The following DYM variants were observed in gnomAD, a reference collection of about 807,000 sequenced individuals.
The protein encoded by DYM is dyggve-Melchior-Clausen syndrome protein.
A neutral mutation model predicts 93.1 loss-of-function variants in DYM; 78 were observed. The observed-to-expected ratio is 0.84, with a 90% CI of 0.70 to 1.01. The LOEUF (loss-of-function observed/expected upper bound fraction) is 1.01, where lower values mean the gene tolerates loss of function less well. Among genes scored for constraint, DYM ranks in the 50% least tolerant of loss-of-function variants. The probability of loss-of-function intolerance (pLI) is 0.00; values close to 1 mark genes in which losing one functional copy is unlikely to be tolerated. For missense variants in DYM, 789 were observed against 845.0 expected, an observed-to-expected ratio of 0.93 and a Z score of 0.82; for synonymous variants, 321 against 319.7, an observed-to-expected ratio of 1.00 and a Z score of -0.04.
chr18:49,280,888 A>G (rs1333727446), intron 10 of DYM, among the ~76,000 whole-genome samples: 1 of 152,248 alleles, frequency 6.6e-6, no homozygotes, highest in Non-Finnish European at 1.5e-5. Flanking sequence ...GGACATAGGC[A>G]TAGGCAAGGA....
chr18:49,256,861 C>T, intron 13 of DYM, 149 bp downstream of exon 13: 1 of 650,470 alleles, frequency 1.5e-6, no homozygotes, highest in Non-Finnish European at 2.7e-6. Context: ...ATGGAACGAG[C>T]TATTTTCAAC....
At chr18:49,163,653 A>AT (rs1409206278) in intron 15 of DYM, 32 bp downstream of exon 15, 5 of 1,530,184 alleles carry the variant, frequency 3.3e-6, no homozygotes, top group Non-Finnish European at 4.5e-6. Context: ...TGAAAGGAAA[A>AT]TTTTTTATTG....
At chr18:49,148,296 A>C (rs531943321) in intron 15 of DYM, among the ~76,000 whole-genome samples, 17 of 152,260 alleles carry the variant, frequency 1.1e-4, no homozygotes, top group Middle Eastern at 6.8e-3. Context: ...TACATATGTA[A>C]CAAACCTGCA....
Position 49,398,372 on chromosome 18 carries a change from G to A in DYM, c.141-6727C>T, listed in dbSNP as rs6507905. On this transcript the variant is annotated intron_variant, in intron 2 of 17. Transcript: ENST00000675505. ...AGACAGATATGTGCAGCATGTCTCCGCTCCTGGCCACAGCTGACTAGTCCA... is the reference window on the plus strand; with the variant it reads ...AGACAGATATGTGCAGCATGTCTCCACTCCTGGCCACAGCTGACTAGTCCA... Among the ~76,000 whole-genome samples, 810 of 152,156 alleles carry A rather than the reference G, an allele frequency of 5.3e-3. 12 individuals carry two copies. The highest frequency in any genetic ancestry group is 0.019 in the African/African-American group (788 of 41,508).
chr18:49,206,059 C>G, intron 14 of DYM: 1 of 185,936 alleles, frequency 5.4e-6, no homozygotes, highest in Non-Finnish European at 1.0e-5. Flanking sequence ...AGTGCAGTGG[C>G]ACAATCTCGG....
intron 1 of DYM, among the ~76,000 whole-genome samples, chr18:49,434,570 G>C (rs375389802): frequency 2.6e-5 from 4 of 152,192 alleles, no homozygotes; most frequent in African/African-American, 9.6e-5. Flanking sequence ...CTGTGGAAAA[G>C]GACTCTGGAG....
chr18:49,338,615 G>A (rs1050116525), intron 6 of DYM, among the ~76,000 whole-genome samples: 5 of 151,978 alleles, frequency 3.3e-5, no homozygotes, highest in Non-Finnish European at 7.4e-5. Flanking sequence ...GTGTATATAT[G>A]GAAATAATAT....
intron 1 of DYM, among the ~76,000 whole-genome samples, chr18:49,441,032 TA>T (rs2081413756): frequency 1.3e-4 from 1 of 7,984 alleles, no homozygotes; most frequent in African/African-American, 3.1e-4. Flanking sequence ...TATTTATATA[TA>T]ATATATAAAT....
rs539793726 is a variant in DYM, at chr18:49,399,340, C to G, written c.141-7695G>C. ...AGTGCATGCAGAGGCATCGCAGTCA[C>G]AGAGAGCCTGGCATGCCCTGGGAAG... On this transcript the variant is annotated intron_variant, in intron 2 of 17. Transcript: ENST00000675505. Among the ~76,000 whole-genome samples the G allele has an allele frequency of 7.2e-5, 11 of 152,276 alleles. No homozygotes were observed. The South Asian group carries it at 2.1e-3, about 29-fold the overall frequency.
At chr18:49,120,006 G>C (rs1485838888) in intron 15 of DYM, among the ~76,000 whole-genome samples, 1 of 148,714 alleles carries the variant, frequency 6.7e-6, no homozygotes, top group Admixed American at 6.7e-5. Flanking sequence ...TTAAGCCTGA[G>C]AGGTGGAGGT....
chr18:49,075,513 A>T (rs774502056), intron 17 of DYM, among the ~76,000 whole-genome samples: 6 of 152,204 alleles, frequency 3.9e-5, no homozygotes, highest in Non-Finnish European at 7.3e-5. Context: ...AAATGTAGGG[A>T]AAGAAGGATT....
chr18:49,131,693 C>T (rs2083391605), intron 15 of DYM, among the ~76,000 whole-genome samples: 2 of 152,186 alleles, frequency 1.3e-5, no homozygotes, highest in Non-Finnish European at 2.9e-5. Flanking sequence ...TTAACCATCA[C>T]TAAAGTGAGA....
chr18:49,175,407 T>A (rs111796945), intron 14 of DYM, among the ~76,000 whole-genome samples: 2 of 152,194 alleles, frequency 1.3e-5, no homozygotes, highest in Non-Finnish European at 2.9e-5. Context: ...AAGGAAAGAC[T>A]AATTACGTAA....
At chr18:49,259,476 G>A (rs946372548) in intron 11 of DYM, among the ~76,000 whole-genome samples, 1 of 152,072 alleles carries the variant, frequency 6.6e-6, no homozygotes, top group African/African-American at 2.4e-5. Flanking sequence ...ACAAATAAGG[G>A]GTAAAATAAG....
chr18:49,047,640 C>G (rs1363133218), intron 17 of DYM, among the ~76,000 whole-genome samples: 1 of 152,182 alleles, frequency 6.6e-6, no homozygotes, highest in Non-Finnish European at 1.5e-5. Flanking sequence ...TGGGTGTTCC[C>G]TAACTGCTGG....
intron 17 of DYM, among the ~76,000 whole-genome samples, chr18:49,092,139 A>C (rs2079103522): frequency 6.6e-6 from 1 of 152,216 alleles, no homozygotes; most frequent in African/African-American, 2.4e-5. Context: ...TGTGGGTGGC[A>C]GTCTAAAGAG....
intron 16 of DYM, among the ~76,000 whole-genome samples, chr18:49,098,913 A>G (rs2079839131): frequency 6.6e-6 from 1 of 152,242 alleles, no homozygotes; most frequent in African/African-American, 2.4e-5. Flanking sequence ...AACAATGAAT[A>G]CACAAAATAA....
intron 5 of DYM, among the ~76,000 whole-genome samples, chr18:49,366,256 T>A (rs1045178707): frequency 6.6e-6 from 1 of 152,226 alleles, no homozygotes; most frequent in Non-Finnish European, 1.5e-5. Flanking sequence ...AGCTTTCTTA[T>A]AAGGCCAAAT....
chr18:49,183,707 C>T lies in DYM; in HGVS notation c.1626-19920G>A, dbSNP rs1257766039. 2.0e-5 allele frequency among the ~76,000 whole-genome samples: 3 copies of T among 152,106 alleles called. No individual in the cohort carries two copies. In the East Asian group the frequency reaches 5.8e-4, roughly 29 times the overall value. On this transcript the variant is annotated intron_variant, in intron 14 of 17. Transcript: ENST00000675505. ...AATGTTTATTTAATTGAACTGAACTCAGAAATAATTTGGGATGCACAGTGT... is the reference window on the plus strand; with the variant it reads ...AATGTTTATTTAATTGAACTGAACTTAGAAATAATTTGGGATGCACAGTGT...
Sources: allele counts gnomAD v4.1 joint callset (sites outside exome capture counted in the v4.1 genomes callset), GRCh38; gene constraint gnomAD v4.1.1; transcripts MANE v1.5; gene names NCBI Gene and HGNC (gene_info 2026-07-23, HGNC 2026-07-21).